CTNNAL1: variants seen among roughly 807,000 people sequenced by gnomAD.
CTNNAL1 encodes the protein catenin alpha like 1.
Under a neutral mutation model 93.6 loss-of-function variants are expected in CTNNAL1, and 69 were observed. That is an observed-to-expected ratio of 0.74 (90% CI 0.61 to 0.90). The LOEUF (loss-of-function observed/expected upper bound fraction) is 0.90, where lower values mean the gene tolerates loss of function less well. Among genes scored for constraint, CTNNAL1 ranks in the 40% least tolerant of loss-of-function variants. CTNNAL1 has a pLI of 0.00. For missense variants in CTNNAL1, 836 were observed against 862.0 expected (o/e 0.97, Z 0.38); for synonymous variants, 286 against 305.4 (o/e 0.94, Z 0.66).
intron 3 of CTNNAL1, among the ~76,000 whole-genome samples, chr9:108,991,404 A>G (rs1279075978): frequency 5.3e-5 from 8 of 152,204 alleles, no homozygotes; most frequent in Admixed American, 1.3e-4. Flanking sequence ...AGAGTGTGTG[A>G]ATCTGGTAGA....
intron 1 of CTNNAL1, among the ~76,000 whole-genome samples, chr9:109,013,073 C>T (rs1827257350): frequency 6.6e-6 from 1 of 152,194 alleles, no homozygotes; most frequent in Non-Finnish European, 1.5e-5. Flanking sequence ...GCAGCCTCCC[C>T]TGCTGCCGAG....
intron 1 of CTNNAL1, among the ~76,000 whole-genome samples, chr9:109,002,722 C>A (rs905562057): frequency 6.6e-6 from 1 of 152,010 alleles, no homozygotes; most frequent in African/African-American, 2.4e-5. Flanking sequence ...GTGGCTTACG[C>A]CTATAATCAT....
chr9:109,002,372 T>C (rs1205805992), intron 1 of CTNNAL1, among the ~76,000 whole-genome samples: 1 of 152,046 alleles, frequency 6.6e-6, no homozygotes, highest in African/African-American at 2.4e-5. Flanking sequence ...AGTTCCAACA[T>C]ATAAATTTTG....
At chr9:108,987,843 G>A (rs1010736498) in intron 4 of CTNNAL1, among the ~76,000 whole-genome samples, 2 of 152,160 alleles carry the variant, frequency 1.3e-5, no homozygotes, top group African/African-American at 4.8e-5. Context: ...TGTTATTGGT[G>A]TATAAGAATG....
chr9:108,948,315 ATT>A, intron 14 of CTNNAL1, 81 bp from the exon 15 acceptor site: 3 of 1,327,294 alleles, frequency 2.3e-6, no homozygotes, highest in Non-Finnish European at 3.1e-6. Flanking sequence ...ATTTTAGAGC[ATT>A]TGTGTATTAA....
intron 10 of CTNNAL1, 66 bp downstream of exon 10, chr9:108,970,336 C>G: frequency 7.1e-7 from 1 of 1,402,068 alleles, no homozygotes; most frequent in Non-Finnish European, 9.6e-7. Flanking sequence ...TACCTTCCAT[C>G]CACACAACTT....
chr9:108,987,696 T>A (rs1318399277), intron 4 of CTNNAL1, among the ~76,000 whole-genome samples: 1 of 152,206 alleles, frequency 6.6e-6, no homozygotes, highest in Non-Finnish European at 1.5e-5. Context: ...GTATCCTCTT[T>A]TATTTCATTG....
At chr9:109,006,207 T>C (rs941501994) in intron 1 of CTNNAL1, among the ~76,000 whole-genome samples, 4 of 152,212 alleles carry the variant, frequency 2.6e-5, no homozygotes, top group South Asian at 2.1e-4. Flanking sequence ...TTTTACAAAA[T>C]TGAGATTAAA....
chr9:108,976,655 C>T (rs1018598117), intron 8 of CTNNAL1, among the ~76,000 whole-genome samples: 7 of 152,052 alleles, frequency 4.6e-5, no homozygotes, highest in African/African-American at 1.7e-4. Context: ...TTCAGCCTCC[C>T]GAGTAGCTGG....
intron 11 of CTNNAL1, among the ~76,000 whole-genome samples, chr9:108,961,703 G>A (rs1160236193): frequency 6.6e-6 from 1 of 152,176 alleles, no homozygotes; most frequent in Non-Finnish European, 1.5e-5. Context: ...TGTGCAAGCA[G>A]TATTACACAT....
At chr9:108,975,248 G>A (rs1436166750) in intron 8 of CTNNAL1, among the ~76,000 whole-genome samples, 1 of 151,828 alleles carries the variant, frequency 6.6e-6, no homozygotes, top group Non-Finnish European at 1.5e-5. Context: ...TCTGTCTGGA[G>A]AGCTGCTGGG....
chr9:109,010,911 G>A (rs910232613), intron 1 of CTNNAL1, among the ~76,000 whole-genome samples: 6 of 152,158 alleles, frequency 3.9e-5, no homozygotes, highest in Non-Finnish European at 7.3e-5. Flanking sequence ...TACCATTGAT[G>A]ATGTTCATTT....
chr9:108,955,026 G>A (rs1160116731), intron 12 of CTNNAL1, among the ~76,000 whole-genome samples: 3 of 151,218 alleles, frequency 2.0e-5, no homozygotes, highest in Admixed American at 6.6e-5. Context: ...GCAGTGGCAC[G>A]ATCTTGGCTC....
intron 7 of CTNNAL1, among the ~76,000 whole-genome samples, chr9:108,978,815 C>T (rs906110160): frequency 1.3e-5 from 2 of 152,132 alleles, no homozygotes; most frequent in African/African-American, 4.8e-5. Context: ...GAATCTACAC[C>T]CCAATAAGTT....
intron 10 of CTNNAL1, among the ~76,000 whole-genome samples, chr9:108,967,355 G>A (rs776616701): frequency 6.6e-5 from 10 of 151,636 alleles, no homozygotes; most frequent in Non-Finnish European, 8.8e-5. Context: ...TGATGTTGTT[G>A]TTCCATGGAG....
At chr9:109,012,479 G>A (rs1186263277) in intron 1 of CTNNAL1, among the ~76,000 whole-genome samples, 5 of 152,180 alleles carry the variant, frequency 3.3e-5, no homozygotes. Context: ...ACAGTGCTTG[G>A]CATCTTACCA....
chr9:108,958,120 A>C lies in CTNNAL1; in HGVS notation c.1592-2293T>G, dbSNP rs189423562. ...AAGTACTAAAAATAAATAAATAATA[A>C]AGAAAAAAGAATTTTGAATTTTGAA... On this transcript the variant is annotated intron_variant, in intron 11 of 18. Transcript: ENST00000325551. 4.7e-4 allele frequency among the ~76,000 whole-genome samples: 72 copies of C among 151,844 alleles called. No individual in the cohort carries two copies. In the East Asian group the frequency reaches 0.014, roughly 29 times the overall value.
Position 108,972,834 on chromosome 9 carries a change from C to CTG in CTNNAL1, c.1189-3_1189-2dup. On this transcript the variant is annotated splice_acceptor_variant, in intron 8 of 18. Transcript: ENST00000325551. LOFTEE classifies it high-confidence loss of function. ...CCAGCTGTGTCGCTGTACTATGAAG[C>CTG]TGCAGATGTGTGTGTGGGTGGGGGG... 1 of 779,626 alleles carries CTG rather than the reference C, an allele frequency of 1.3e-6. No homozygotes were observed. The allele number at this position is 779,626 out of a possible 1,614,324, so 48.3% of individuals were successfully genotyped here.
At chr9:108,943,590 T>G in intron 17 of CTNNAL1, 113 bp downstream of exon 17, 1 of 783,214 alleles carries the variant, frequency 1.3e-6, no homozygotes, top group Non-Finnish European at 2.0e-6. Context: ...AGACAAGGCA[T>G]GAAAAAAGGA....
Sources: allele counts gnomAD v4.1 joint callset (sites outside exome capture counted in the v4.1 genomes callset), GRCh38; gene constraint gnomAD v4.1.1; transcripts MANE v1.5; gene names NCBI Gene and HGNC (gene_info 2026-07-23, HGNC 2026-07-21).